Variants in IMMP2L observed in about 807,000 individuals in gnomAD.
IMMP2L encodes the protein inner mitochondrial membrane peptidase subunit 2, also known as mitochondrial inner membrane protease subunit 2.
In IMMP2L, 18 loss-of-function variants were observed where a neutral mutation model predicts 19.3. The ratio of observed to expected loss-of-function variants is 0.93; its 90% CI spans 0.64 to 1.38. IMMP2L has a LOEUF of 1.38. IMMP2L is among the 40% of genes most tolerant of loss of function. IMMP2L has a pLI of 0.00. For missense variants in IMMP2L, 233 were observed against 218.2 expected, an observed-to-expected ratio of 1.07 and a Z score of -0.43; for synonymous variants, 76 against 73.0, an observed-to-expected ratio of 1.04 and a Z score of -0.21.
chr7:110,795,572 G>A (rs1800809263), intron 5 of IMMP2L, among the ~76,000 whole-genome samples: 1 of 152,054 alleles, frequency 6.6e-6, no homozygotes, highest in African/African-American at 2.4e-5. Flanking sequence ...CAGCCATAAA[G>A]AAACATCTGC....
At chr7:110,852,694 T>C (rs1211599513) in intron 5 of IMMP2L, among the ~76,000 whole-genome samples, 1 of 152,044 alleles carries the variant, frequency 6.6e-6, no homozygotes, top group East Asian at 1.9e-4. Flanking sequence ...AAAAACGTTA[T>C]TGTAAATGCC....
chr7:111,375,895 T>TA (rs1480459871), intron 3 of IMMP2L, among the ~76,000 whole-genome samples: 1 of 151,952 alleles, frequency 6.6e-6, no homozygotes, highest in Non-Finnish European at 1.5e-5. Flanking sequence ...TGTAGTTGGG[T>TA]AAAATAAAGT....
chr7:111,399,785 C>T (rs1211612823), intron 3 of IMMP2L, among the ~76,000 whole-genome samples: 2 of 152,094 alleles, frequency 1.3e-5, no homozygotes, highest in Non-Finnish European at 2.9e-5. Flanking sequence ...TAAACATGTA[C>T]TAGCATATCC....
At chr7:110,963,389 T>C (rs1353030820) in intron 4 of IMMP2L, 111 bp downstream of exon 4, 9 of 692,168 alleles carry the variant, frequency 1.3e-5, no homozygotes, top group Non-Finnish European at 2.2e-5. Flanking sequence ...TCATTTGGAA[T>C]GTCTCCAAAA....
intron 3 of IMMP2L, among the ~76,000 whole-genome samples, chr7:111,014,524 T>G (rs564330413): frequency 6.6e-6 from 1 of 152,268 alleles, no homozygotes; most frequent in South Asian, 2.1e-4. Context: ...GCTTTTGGAA[T>G]GATTTCTTGG....
At chr7:111,510,283 T>A (rs1845314365) in intron 2 of IMMP2L, among the ~76,000 whole-genome samples, 1 of 152,096 alleles carries the variant, frequency 6.6e-6, no homozygotes, top group South Asian at 2.1e-4. Flanking sequence ...CTCCACACAA[T>A]CATTCAGAAA....
At chr7:110,715,746 G>T (rs143492097) in intron 5 of IMMP2L, among the ~76,000 whole-genome samples, 1 of 152,058 alleles carries the variant, frequency 6.6e-6, no homozygotes, top group South Asian at 2.1e-4. Context: ...TGGGTTGAGC[G>T]CTCTGTAGAT....
rs1435724525 is a variant in IMMP2L, at chr7:110,758,572, T to C, written c.409-94851A>G. 2.6e-5 allele frequency among the ~76,000 whole-genome samples: 4 copies of C among 152,052 alleles called. No individual in the cohort carries two copies. The highest frequency in any genetic ancestry group is 6.6e-5 in the Admixed American group (1 of 15,236). ...ATGAGCAAGAAGAGGTCTCAGGGCA[T>C]GTGACATTGAGCTATTTAGCAGATA... On this transcript the variant is annotated intron_variant, in intron 5 of 5. Transcript: ENST00000405709. The surrounding 1 kb of genome is among the most constrained non-coding windows in gnomAD (Gnocchi z 4.6).
At chr7:111,425,143 T>A (rs1258908451) in intron 3 of IMMP2L, among the ~76,000 whole-genome samples, 1 of 151,830 alleles carries the variant, frequency 6.6e-6, no homozygotes, top group Admixed American at 6.6e-5. Context: ...CCTTTCTGTT[T>A]TTCACATAAA....
chr7:111,355,999 G>A (rs1422076648), intron 3 of IMMP2L, among the ~76,000 whole-genome samples: 1 of 151,886 alleles, frequency 6.6e-6, no homozygotes, highest in African/African-American at 2.4e-5. Flanking sequence ...ATAATTAAGC[G>A]ACATGGGGTT....
chr7:110,854,276 T>C (rs2131548366), intron 5 of IMMP2L, among the ~76,000 whole-genome samples: 1 of 152,084 alleles, frequency 6.6e-6, no homozygotes, highest in Middle Eastern at 3.4e-3. Flanking sequence ...AGTGGAAAAC[T>C]TACATAAAGA....
intron 5 of IMMP2L, chr7:110,664,707 T>C (rs1211866774): frequency 6.6e-6 from 1 of 152,216 alleles, no homozygotes; most frequent in African/African-American, 2.4e-5. Flanking sequence ...GTTGTTGTTA[T>C]AGTTACTATC....
chr7:110,952,378 A>G (rs1817917365), intron 4 of IMMP2L, among the ~76,000 whole-genome samples: 1 of 151,904 alleles, frequency 6.6e-6, no homozygotes, highest in Non-Finnish European at 1.5e-5. Flanking sequence ...TACATAAAAA[A>G]CTCCCACACA....
At chr7:110,901,408 C>T (rs1426488160) in intron 4 of IMMP2L, among the ~76,000 whole-genome samples, 4 of 152,072 alleles carry the variant, frequency 2.6e-5, no homozygotes, top group Non-Finnish European at 5.9e-5. Context: ...TCCCTCATTT[C>T]GGTAACAGTT....
At chr7:110,768,255 GC>G (rs1228212612) in intron 5 of IMMP2L, among the ~76,000 whole-genome samples, 2 of 149,730 alleles carry the variant, frequency 1.3e-5, no homozygotes, top group Admixed American at 1.3e-4. Flanking sequence ...CCTTTAAAGA[GC>G]CTGGGACTGG....
At chr7:111,038,953 T>C (rs1480000116) in intron 3 of IMMP2L, among the ~76,000 whole-genome samples, 1 of 152,184 alleles carries the variant, frequency 6.6e-6, no homozygotes, top group African/African-American at 2.4e-5. Context: ...AATAAGGTGA[T>C]AGAAATATAT....
In IMMP2L at chr7:111,508,333, T is replaced by C. The variant is rs530239125; in HGVS notation, c.135+12980A>G. On this transcript the variant is annotated intron_variant, in intron 2 of 5. Coordinates refer to ENST00000405709, the MANE Select transcript of IMMP2L (RefSeq NM_032549.4). ...AGAAATAAAAATAAAGTTCATAAAA[T>C]AGAAAAATGTTTAATTAAAACTTAA... 1.3e-3 allele frequency among the ~76,000 whole-genome samples: 190 copies of C among 151,734 alleles called. 1 individual carries two copies. Among genetic ancestry groups the C allele is most frequent in the African/African-American group, 4.4e-3 (184 of 41,378 alleles).
intron 3 of IMMP2L, among the ~76,000 whole-genome samples, chr7:111,194,610 T>C (rs1586771971): frequency 6.6e-6 from 1 of 152,166 alleles, no homozygotes; most frequent in Non-Finnish European, 1.5e-5. Context: ...AAGTACTCAA[T>C]AGATGTTGTG....
intron 3 of IMMP2L, among the ~76,000 whole-genome samples, chr7:111,169,951 T>G (rs1806246048): frequency 6.6e-6 from 1 of 151,878 alleles, no homozygotes; most frequent in Non-Finnish European, 1.5e-5. Flanking sequence ...CTTCCTATAT[T>G]AGATTTTAAA....
Sources: allele counts gnomAD v4.1 joint callset (sites outside exome capture counted in the v4.1 genomes callset), GRCh38; gene constraint gnomAD v4.1.1; non-coding constraint Gnocchi (gnomAD v3.1); transcripts MANE v1.5; gene names NCBI Gene and HGNC (gene_info 2026-07-23, HGNC 2026-07-21).